The following FAM180A variants were observed in gnomAD, a reference collection of about 807,000 sequenced individuals.
FAM180A encodes the protein protein FAM180A.
FAM180A carries 14 observed loss-of-function variants against 15.3 expected under a neutral mutation model. That is an observed-to-expected ratio of 0.92 (90% CI 0.61 to 1.43). The LOEUF is 1.43. Among genes scored for constraint, FAM180A ranks in the 40% most tolerant of loss-of-function variants. FAM180A has a pLI of 0.00. For missense variants in FAM180A, 200 were observed against 220.8 expected (o/e 0.91, Z 0.60); for synonymous variants, 90 against 96.8 (o/e 0.93, Z 0.41).
At chr7:135,738,550 T>C (rs904943086) in intron 1 of FAM180A, among the ~76,000 whole-genome samples, 3 of 152,186 alleles carry the variant, frequency 2.0e-5, no homozygotes, top group African/African-American at 7.2e-5. Flanking sequence ...GACAATGCTG[T>C]TCCAGTGGTT....
chr7:135,742,083 T>C (rs1043789371), intron 1 of FAM180A, among the ~76,000 whole-genome samples: 1 of 152,092 alleles, frequency 6.6e-6, no homozygotes, highest in Non-Finnish European at 1.5e-5. Context: ...ACCTTGTGCA[T>C]TGGGCAGGGG....
chr7:135,737,183 G>A lies in FAM180A; in HGVS notation c.93C>T (p.Ala31=), dbSNP rs1488554315. 11 of 1,605,770 alleles carry A rather than the reference G, an allele frequency of 6.9e-6. No individual in the cohort carries two copies. Among genetic ancestry groups the A allele is most frequent in the East Asian group, 2.2e-5 (1 of 44,772 alleles). The change falls in exon 2 of 4, where the codon GCC becomes GCT. Residue 31 remains alanine (A), a synonymous_variant. Coordinates refer to ENST00000338588, the MANE Select transcript of FAM180A (RefSeq NM_205855.4). ...ATGAGGACCTCTTTGGCCGGTGGGC[G>A]GCAGGGAAGAGCACAGCTGAAAGAA... ...HRWSRAVLFP[A]AHRPKRSSSL...
Position 135,748,504 on chromosome 7 carries a change from C to T in FAM180A, c.76+1G>A. 1.2e-6 allele frequency: 2 copies of T among 1,613,108 alleles called. No individual in the cohort carries two copies. Among genetic ancestry groups the T allele is most frequent in the Non-Finnish European group, 8.5e-7 (1 of 1,179,070 alleles). ...AAACAAATGAATAAAAAGCAACTCA[C>T]CCCTGCTCCACCTGTGGCACATAGA... On this transcript the variant is annotated splice_donor_variant, in intron 1 of 3. Coordinates refer to ENST00000338588, the MANE Select transcript of FAM180A (RefSeq NM_205855.4). LOFTEE classifies it high-confidence loss of function.
rs1584751284 is a variant in FAM180A at position 135,737,168 on chromosome 7, C to T, written c.108G>A (p.Lys36=). 1 of 1,608,258 alleles carries T rather than the reference C, an allele frequency of 6.2e-7. No homozygotes were observed. Among genetic ancestry groups the T allele is most frequent in the East Asian group, 2.2e-5 (1 of 44,806 alleles). ...GGTTCAATGGCAGTGATGAGGACCT[C>T]TTTGGCCGGTGGGCGGCAGGGAAGA... The part of the protein sequence containing the change: ...AVLFPAAHRP[K]RSSSLPLNPV... Residue 36 remains lysine, a synonymous_variant, in exon 2 of 4, where the codon AAG becomes AAA. Transcript: ENST00000338588.
rs953098284 is a variant in FAM180A, at chr7:135,733,499, A to G, written c.*329+147T>C. The G allele has an allele frequency of 1.6e-5, 4 of 253,060 alleles. No individual in the cohort carries two copies. The Admixed American group carries it at 2.6e-4, about 16-fold the overall frequency. 15.7% of individuals were successfully genotyped at this position (253,060 alleles called of 1,614,324 possible). A position where few individuals can be genotyped will look rare whatever the true frequency, so the allele number is the denominator to read the frequency against. ...GTAGCCAGGATTACAGGTGTGCGCC[A>G]CCACGTCCGGCTGATTTTTGTGATT... On this transcript the variant is annotated intron_variant, in intron 3 of 3. Coordinates refer to ENST00000338588, the MANE Select transcript of FAM180A (RefSeq NM_205855.4).
At chr7:135,743,207 C>T (rs1796976965) in intron 1 of FAM180A, among the ~76,000 whole-genome samples, 1 of 138,782 alleles carries the variant, frequency 7.2e-6, no homozygotes, top group Non-Finnish European at 1.5e-5. Context: ...TCCTTTTCTC[C>T]CTCATTGTTC....
At chr7:135,730,607 C>T (rs1796767454) in intron 3 of FAM180A, among the ~76,000 whole-genome samples, 1 of 152,190 alleles carries the variant, frequency 6.6e-6, no homozygotes, top group Admixed American at 6.5e-5. Context: ...TTACATAAGT[C>T]ATGGGCAAGT....
intron 1 of FAM180A, among the ~76,000 whole-genome samples, chr7:135,738,880 T>C (rs1796907600): frequency 6.6e-6 from 1 of 152,166 alleles, no homozygotes; most frequent in Non-Finnish European, 1.5e-5. Context: ...ATGGTAAAAA[T>C]TGGAGACTAC....
chr7:135,739,438 A>G (rs10272250), intron 1 of FAM180A, among the ~76,000 whole-genome samples: 105,671 of 149,696 alleles, frequency 0.71, 38,033 homozygotes, highest in African/African-American at 0.87. Context: ...GTGAAACCCC[A>G]TCTCTACTAA....
intron 2 of FAM180A, among the ~76,000 whole-genome samples, chr7:135,734,521 T>C (rs972397757): frequency 6.6e-6 from 1 of 152,186 alleles, no homozygotes; most frequent in Non-Finnish European, 1.5e-5. Context: ...TCCTTCTCTG[T>C]GTAAATAATT....
chr7:135,739,164 G>A (rs1796911215), intron 1 of FAM180A, among the ~76,000 whole-genome samples: 1 of 151,570 alleles, frequency 6.6e-6, no homozygotes, highest in Admixed American at 6.6e-5. Context: ...ACAAAAGTTA[G>A]CTGGGCATGA....
rs559864435 is a variant in FAM180A, at chr7:135,747,562, G to A, written c.76+943C>T. 5.9e-5 allele frequency among the ~76,000 whole-genome samples: 9 copies of A among 151,932 alleles called. No homozygotes were observed. In the East Asian group the frequency reaches 1.4e-3, roughly 23 times the overall value. On this transcript the variant is annotated intron_variant, in intron 1 of 3. Coordinates refer to ENST00000338588, the MANE Select transcript of FAM180A (RefSeq NM_205855.4). ...TCTCGCGCTGCTCTATCCCCACTCC[G>A]GCCACTCCTTCCTTCCCTGACACTG...
At chr7:135,734,750 T>C (rs1328041874) in intron 2 of FAM180A, among the ~76,000 whole-genome samples, 1 of 152,228 alleles carries the variant, frequency 6.6e-6, no homozygotes, top group Non-Finnish European at 1.5e-5. Flanking sequence ...TGGGAGACTC[T>C]TTCTGCATTA....
At chr7:135,746,196 C>T (rs1354684163) in intron 1 of FAM180A, among the ~76,000 whole-genome samples, 1 of 152,100 alleles carries the variant, frequency 6.6e-6, no homozygotes, top group Non-Finnish European at 1.5e-5. Context: ...GAAAGACCTT[C>T]CCCAATGCGG....
intron 3 of FAM180A, among the ~76,000 whole-genome samples, chr7:135,732,836 A>G (rs1389864401): frequency 6.6e-6 from 1 of 152,180 alleles, no homozygotes; most frequent in Admixed American, 6.5e-5. Flanking sequence ...TATAAAAGGA[A>G]AGTTTTGGCA....
At position 135,734,117 on chromosome 7, in the gene FAM180A, A is replaced by G. The variant is rs1199423949; in HGVS notation, c.380T>C (p.Val127Ala). 1 of 1,614,188 alleles carries G rather than the reference A, an allele frequency of 6.2e-7. No homozygotes were observed. Among genetic ancestry groups the G allele is most frequent in the Non-Finnish European group, 8.5e-7 (1 of 1,180,040 alleles). ...GTAGGCTGTGTAGGCCAGGGTCAGC[A>G]CTGTCCTTTCAAAGTCTTCTTTCTT... ...ILKKEDFERT[V>A]LTLAYTAYRT... Residue 127 changes from valine to alanine, a missense_variant, in exon 3 of 4, where the codon GTG (valine) becomes GCG (alanine). Physicochemically the swap from Val to Ala is moderately conservative, Grantham distance 64. Coordinates refer to ENST00000338588, the MANE Select transcript of FAM180A (RefSeq NM_205855.4).
In FAM180A at chr7:135,737,214, A is replaced by G; in HGVS notation, c.77-15T>C. ...GAAGAGCACAGCTGAAAGAAAGAAAACAGTGAGTTCCTGGCTGCTGTGTGC... is the reference window on the plus strand; with the variant it reads ...GAAGAGCACAGCTGAAAGAAAGAAAGCAGTGAGTTCCTGGCTGCTGTGTGC... On this transcript the variant is annotated splice_polypyrimidine_tract_variant and intron_variant, in intron 1 of 3. Transcript: ENST00000338588. 1.9e-6 allele frequency: 3 copies of G among 1,571,132 alleles called. No individual in the cohort carries two copies. The highest frequency in any genetic ancestry group is 1.2e-5 in the South Asian group (1 of 83,678).
chr7:135,744,827 C>T (rs1162961847), intron 1 of FAM180A, among the ~76,000 whole-genome samples: 1 of 152,216 alleles, frequency 6.6e-6, no homozygotes, highest in Non-Finnish European at 1.5e-5. Context: ...TAGGATAGCA[C>T]CTGCCTCACA....
In FAM180A at chr7:135,734,044, G is replaced by A. The variant is rs1368424200; in HGVS notation, c.453C>T (p.Ser151=). The A allele has an allele frequency of 6.2e-7, 1 of 1,614,210 alleles. No individual in the cohort carries two copies. Among genetic ancestry groups the A allele is most frequent in the Non-Finnish European group, 8.5e-7 (1 of 1,180,034 alleles). Residue 151 remains serine, a synonymous_variant, in exon 3 of 4, where the codon TCC becomes TCT. Transcript: ENST00000338588. The part of the protein sequence containing the change: ...HGHQKDIWAQ[S]LVSLFQALRH... ...TCAGGGCCTGGAAGAGGCTAACGAG[G>A]GACTGCGCCCAGATGTCCTTCTGAT... is the stretch of plus-strand genomic sequence containing the variant.
Sources: allele counts gnomAD v4.1 joint callset (sites outside exome capture counted in the v4.1 genomes callset), GRCh38; gene constraint gnomAD v4.1.1; transcripts MANE v1.5; gene names NCBI Gene and HGNC (gene_info 2026-07-23, HGNC 2026-07-21).